Variants in CYP4F3 observed in about 807,000 individuals in gnomAD.
CYP4F3 encodes cytochrome P450 4F3.
A neutral mutation model predicts 54.8 loss-of-function variants in CYP4F3; 50 were observed. The observed-to-expected ratio is 0.91, with a 90% CI of 0.73 to 1.16. The LOEUF is 1.16. CYP4F3 is among the 50% of genes most tolerant of loss of function. The pLI is 0.00. For missense variants in CYP4F3, 715 were observed against 676.2 expected, an observed-to-expected ratio of 1.06 and a Z score of -0.64; for synonymous variants, 244 against 262.6, an observed-to-expected ratio of 0.93 and a Z score of 0.69.
chr19:15,658,677 T>C, intron 11 of CYP4F3, 50 bp from the exon 12 acceptor site: 1 of 1,611,434 alleles, frequency 6.2e-7, no homozygotes, highest in Non-Finnish European at 8.5e-7. Context: ...TCTCCAAGGC[T>C]GGCGGACTGG....
chr19:15,641,289 T>A (rs1245397042), intron 1 of CYP4F3, 126 bp from the exon 2 acceptor site: 1 of 1,241,482 alleles, frequency 8.1e-7, no homozygotes, highest in Non-Finnish European at 1.1e-6. Flanking sequence ...TGTTTATCCA[T>A]CCCTGTTTAC....
rs1245688046 is a variant in CYP4F3 at position 15,650,160 on chromosome 19, A to C, written c.895A>C (p.Ile299Leu). The part of the protein sequence containing the change: ...AKAKSKTLDF[I>L]DVLLLSKDED... Reference sequence around the variant, plus strand: ...GGCCAAATCCAAGACTTTGGACTTCATTGATGTACTCCTGCTGAGCAAGGT... The same window carrying C: ...GGCCAAATCCAAGACTTTGGACTTCCTTGATGTACTCCTGCTGAGCAAGGT... Residue 299 changes from isoleucine to leucine, a missense_variant, in exon 7 of 13, where the codon ATT (isoleucine) becomes CTT (leucine). By Grantham distance (5) the Ile-to-Leu change is conservative. Coordinates refer to ENST00000221307, the MANE Select transcript of CYP4F3 (RefSeq NM_000896.3). 1.2e-6 allele frequency: 2 copies of C among 1,614,172 alleles called. No individual in the cohort carries two copies. Among genetic ancestry groups the C allele is most frequent in the Non-Finnish European group, 1.7e-6 (2 of 1,180,022 alleles).
rs187133359 is a variant in CYP4F3, at chr19:15,661,624, T to C, written c.*2239T>C. On this transcript the variant is annotated 3_prime_UTR_variant, in exon 13 of 13. Transcript: ENST00000221307. ...CTTCGGTTGTTTGCCTTCTTATTGT[T>C]GGATTTTGAGAGTTCTATGTACAAG... is the stretch of plus-strand genomic sequence containing the variant. 1.3e-5 allele frequency: 2 copies of C among 152,336 alleles called. No individual in the cohort carries two copies. Among genetic ancestry groups the C allele is most frequent in the Admixed American group, 1.3e-4 (2 of 15,294 alleles). The allele number at this position is 152,336 out of a possible 1,614,324, so 9.4% of individuals were successfully genotyped here.
At position 15,649,164 on chromosome 19, in the gene CYP4F3, A is replaced by G; in HGVS notation, c.530A>G (p.Lys177Arg). The G allele has an allele frequency of 6.2e-7, 1 of 1,613,296 alleles. No homozygotes were observed. Among genetic ancestry groups the G allele is most frequent in the Non-Finnish European group, 8.5e-7 (1 of 1,179,426 alleles). Residue 177 changes from lysine to arginine, a missense_variant, in exon 6 of 13, where the codon AAG (lysine) becomes AGG (arginine). By Grantham distance (26) the Lys-to-Arg change is conservative. Coordinates refer to ENST00000221307, the MANE Select transcript of CYP4F3 (RefSeq NM_000896.3). ...TCTGTCCCCTTCTCTGGCTAGGCCA[A>G]GTGGCAGCTCCTGGCCTCAGAGGGT... ...FNESVNIMHAKWQLLASEGSA... is the reference protein window; with the variant it reads ...FNESVNIMHARWQLLASEGSA...
At chr19:15,644,088 G>A (rs1358887094) in intron 2 of CYP4F3, 31 of 1,489,040 alleles carry the variant, frequency 2.1e-5, no homozygotes, top group Non-Finnish European at 2.8e-5. Context: ...GTGCTATGGT[G>A]CATTTGAGGC....
At position 15,646,277 on chromosome 19, in the gene CYP4F3, G is replaced by A. The variant is rs528053334; in HGVS notation, c.343+414G>A. On this transcript the variant is annotated intron_variant, in intron 3 of 12. Coordinates refer to ENST00000221307, the MANE Select transcript of CYP4F3 (RefSeq NM_000896.3). ...TGTGAGGGGCTGTTTTGTTCTTGTC[G>A]CAGGTGCTGTTTGACACTGCCGTTT... 2.6e-5 allele frequency among the ~76,000 whole-genome samples: 4 copies of A among 152,270 alleles called. No homozygotes were observed. The South Asian group carries it at 6.2e-4, about 24-fold the overall frequency.
intron 2 of CYP4F3, among the ~76,000 whole-genome samples, chr19:15,642,680 G>C (rs964235252): frequency 2.0e-5 from 3 of 152,214 alleles, no homozygotes; most frequent in Non-Finnish European, 4.4e-5. Flanking sequence ...CTTGGGATGC[G>C]CTCTTGGGAC....
intron 2 of CYP4F3, among the ~76,000 whole-genome samples, chr19:15,644,241 A>ACCC (rs540359978): frequency 6.8e-4 from 103 of 151,388 alleles, no homozygotes; most frequent in African/African-American, 2.4e-3. Flanking sequence ...TTGCCATCTG[A>ACCC]CCCCCTGTCC....
Position 15,659,230 on chromosome 19 carries a change from G to C in CYP4F3, c.1408G>C (p.Gly470Arg). ...ACCTCCCTCCCCAAGGAACTGCATC[G>C]GGCAGGCGTTCGCGATGGCGGAGAT... Reference protein sequence around the residue: ...PFSAGPRNCIGQAFAMAEMKV... With the variant: ...PFSAGPRNCIRQAFAMAEMKV... Residue 470 changes from glycine (G) to arginine (R), a missense_variant, in exon 13 of 13, where the codon GGG (glycine) becomes CGG (arginine). By Grantham distance (125) the Gly-to-Arg change is moderately radical. Transcript: ENST00000221307. 6.2e-7 allele frequency: 1 copy of C among 1,607,378 alleles called. No individual in the cohort carries two copies. The highest frequency in any genetic ancestry group is 1.1e-5 in the South Asian group (1 of 90,474).
intron 2 of CYP4F3, among the ~76,000 whole-genome samples, chr19:15,642,142 C>A (rs1178489430): frequency 6.6e-6 from 1 of 152,220 alleles, no homozygotes; most frequent in Non-Finnish European, 1.5e-5. Flanking sequence ...AAGTTGGCCA[C>A]TCACTTCCCC....
At position 15,650,776 on chromosome 19, in the gene CYP4F3, G is replaced by T. The variant is rs200943335; in HGVS notation, c.918+593G>T. Among the ~76,000 whole-genome samples the T allele has an allele frequency of 2.0e-3, 52 of 25,714 alleles. 10 individuals are homozygous for T. Among genetic ancestry groups the T allele is most frequent in the East Asian group, 0.01 (5 of 494 alleles). 16.9% of individuals were successfully genotyped at this position (25,714 alleles called of 152,430 possible). A position where few individuals can be genotyped will look rare whatever the true frequency, so the allele number is the denominator to read the frequency against. On this transcript the variant is annotated intron_variant, in intron 7 of 12. Coordinates refer to ENST00000221307, the MANE Select transcript of CYP4F3 (RefSeq NM_000896.3). ...ATCTTTCTTTCTTTCTTTTTCTTTC[G>T]TTCTTTCTTTCTTTCTTTCTTTCTC...
At chr19:15,647,373 A>AAAGG in intron 5 of CYP4F3, 49 bp downstream of exon 5, 1 of 1,611,132 alleles carries the variant, frequency 6.2e-7, no homozygotes, top group Non-Finnish European at 8.5e-7. Context: ...GGTTGGGGGG[A>AAAGG]ACCACAGACA....
At chr19:15,649,339 G>T in intron 6 of CYP4F3, 58 bp downstream of exon 6, 1 of 1,610,076 alleles carries the variant, frequency 6.2e-7, no homozygotes, top group Non-Finnish European at 8.5e-7. Context: ...TGGTAGGTGG[G>T]GGGCTGGGGA....
intron 9 of CYP4F3, among the ~76,000 whole-genome samples, chr19:15,653,771 AG>A (rs1972938468): frequency 1.4e-5 from 2 of 146,086 alleles, no homozygotes; most frequent in Non-Finnish European, 3.0e-5. Context: ...AGAGAGAGAG[AG>A]AGAGAGAGAG....
At chr19:15,653,056 G>A (rs2144662731) in intron 9 of CYP4F3, 104 bp downstream of exon 9, 2 of 1,466,306 alleles carry the variant, frequency 1.4e-6, no homozygotes, top group South Asian at 1.3e-5. Context: ...TGCCACTATT[G>A]CTTAGTGGGA....
intron 7 of CYP4F3, among the ~76,000 whole-genome samples, chr19:15,650,737 T>TTC (rs1972798345): frequency 1.8e-5 from 2 of 112,634 alleles, no homozygotes; most frequent in African/African-American, 4.3e-5. Context: ...TCTTTCTTTC[T>TTC]TTTCCTTCCT....
intron 1 of CYP4F3, 192 bp from the exon 2 acceptor site, chr19:15,641,223 A>T: frequency 1.6e-6 from 1 of 630,038 alleles, no homozygotes; most frequent in Non-Finnish European, 2.7e-6. Context: ...GGGTAACTGG[A>T]GGCCACTTGG....
At chr19:15,650,736 CTTT>C (rs1442177646) in intron 7 of CYP4F3, among the ~76,000 whole-genome samples, 1 of 84,168 alleles carries the variant, frequency 1.2e-5, no homozygotes, top group African/African-American at 5.9e-5. Flanking sequence ...TTCTTTCTTT[CTTT>C]TCCTTCCTTC....
At chr19:15,651,387 A>G (rs1206634360) in intron 7 of CYP4F3, among the ~76,000 whole-genome samples, 1 of 110,294 alleles carries the variant, frequency 9.1e-6, no homozygotes, top group Non-Finnish European at 1.9e-5. Context: ...TTTTTTTTTG[A>G]GATGGAGTCT....
Sources: allele counts gnomAD v4.1 joint callset (sites outside exome capture counted in the v4.1 genomes callset), GRCh38; gene constraint gnomAD v4.1.1; transcripts MANE v1.5; gene names NCBI Gene and HGNC (gene_info 2026-07-23, HGNC 2026-07-21).